The following ZKSCAN7 variants were observed in gnomAD, a reference collection of about 807,000 sequenced individuals.
The protein encoded by ZKSCAN7 is zinc finger with KRAB and SCAN domains 7, also known as zinc finger protein with KRAB and SCAN domains 7.
In ZKSCAN7, 38 loss-of-function variants were observed where a neutral mutation model predicts 65.3. The observed-to-expected ratio is 0.58, with a 90% confidence interval of 0.45 to 0.76. ZKSCAN7 has a LOEUF of 0.76. Ranked by LOEUF, ZKSCAN7 falls within the 30% of genes least tolerant of loss-of-function variation. The probability of loss-of-function intolerance (pLI) is 0.00; values close to 1 mark genes in which losing one functional copy is unlikely to be tolerated. For missense variants in ZKSCAN7, 815 were observed against 913.3 expected (o/e 0.89, Z 1.39); for synonymous variants, 321 against 321.0 (o/e 1.00, Z 0.00).
rs1699780024 is a variant in ZKSCAN7, at chr3:44,570,720, A to AT, written c.1611dup (p.Leu538SerfsTer3). ...GGGAGAGCATTCTGTTCCAATAGAA[A>AT]TCTCATTGACCATCAGAGAATCCAC... On this transcript the variant is annotated frameshift_variant, in exon 6 of 6. Coordinates refer to ENST00000426540, the MANE Select transcript of ZKSCAN7 (RefSeq NM_001288590.2). LOFTEE classifies it high-confidence loss of function. 1.2e-6 allele frequency: 2 copies of AT among 1,614,028 alleles called. No homozygotes were observed. The highest frequency in any genetic ancestry group is 2.2e-5 in the South Asian group (2 of 91,090).
At chr3:44,580,605 C>T in intron 5 of ZKSCAN7, 1 of 1,613,904 alleles carries the variant, frequency 6.2e-7, no homozygotes, top group South Asian at 1.1e-5. Flanking sequence ...CATCTCCAGC[C>T]ACCCACTGAC....
chr3:44,581,314 C>T (rs1231920190), intron 5 of ZKSCAN7, among the ~76,000 whole-genome samples: 2 of 150,730 alleles, frequency 1.3e-5, no homozygotes, highest in Non-Finnish European at 3.0e-5. Context: ...CTCTCAAGCT[C>T]CGGTCGCCGC....
At chr3:44,556,906 C>G (rs1699309883) in intron 1 of ZKSCAN7, 24 bp from the exon 2 acceptor site, 3 of 1,129,234 alleles carry the variant, frequency 2.7e-6, no homozygotes, top group Non-Finnish European at 1.3e-6. Context: ...TCCAAGAACT[C>G]TGATTTCACT....
chr3:44,580,251 C>A (rs555913314), intron 5 of ZKSCAN7: 12 of 1,613,414 alleles, frequency 7.4e-6, no homozygotes, highest in Admixed American at 1.7e-5. Context: ...GCTCTCCCCC[C>A]GGACTTTGCG....
Position 44,570,327 on chromosome 3 carries a change from C to T in ZKSCAN7, c.1217C>T (p.Thr406Ile). Residue 406 changes from threonine (T) to isoleucine (I), a missense_variant, in exon 6 of 6, where the codon ACT (threonine) becomes ATT (isoleucine). Thr to Ile is a moderately conservative substitution (Grantham distance 89). This residue lies in a region of ZKSCAN7 where 578 missense variants were observed against 629.5 expected (regional missense o/e 0.92). Coordinates refer to ENST00000426540, the MANE Select transcript of ZKSCAN7 (RefSeq NM_001288590.2). ...SHLIGHQRIH[T>I]GEKPYECNEC... Reference sequence around the variant, plus strand: ...CTTATTGGCCATCAGAGAATCCACACTGGAGAGAAACCCTATGAGTGTAAT... The same window carrying T: ...CTTATTGGCCATCAGAGAATCCACATTGGAGAGAAACCCTATGAGTGTAAT... 6.2e-7 allele frequency: 1 copy of T among 1,614,212 alleles called. No individual in the cohort carries two copies. The highest frequency in any genetic ancestry group is 8.5e-7 in the Non-Finnish European group (1 of 1,180,044).
chr3:44,578,849 G>A (rs977437650), intron 5 of ZKSCAN7, among the ~76,000 whole-genome samples: 1 of 152,182 alleles, frequency 6.6e-6, no homozygotes, highest in Non-Finnish European at 1.5e-5. Flanking sequence ...TTCCATTGCT[G>A]CAAACCCTCA....
At chr3:44,555,778 A>C (rs1559420485) in intron 1 of ZKSCAN7, among the ~76,000 whole-genome samples, 1 of 152,230 alleles carries the variant, frequency 6.6e-6, no homozygotes, top group Admixed American at 6.5e-5. Context: ...ATTGAGACAC[A>C]GGGATCTGGG....
In ZKSCAN7 at chr3:44,579,977, G is replaced by A. The variant is rs200933907; in HGVS notation, c.812-2995G>A. ...CCGAGGCGTCTGGGAGAGGAGCTTG[G>A]GGGGGGGCTTCATTGGTGAAGTCCT... On this transcript the variant is annotated intron_variant, in intron 5 of 5. Transcript: ENST00000341840. The A allele has an allele frequency of 2.6e-3, 4,059 of 1,587,456 alleles. 22 individuals carry two copies. The highest frequency in any genetic ancestry group is 3.3e-3 in the Non-Finnish European group (3,829 of 1,156,624).
At position 44,557,175 on chromosome 3, in the gene ZKSCAN7, A is replaced by T. The variant is rs769497024; in HGVS notation, c.128A>T (p.Gln43Leu). Reference sequence around the variant, plus strand: ...ACCTGGGGGCAGGGCAGCAGTCTCCAGAAGAACTATCCTCCTGTCTGCGAA... The same window carrying T: ...ACCTGGGGGCAGGGCAGCAGTCTCCTGAAGAACTATCCTCCTGTCTGCGAA... ...NQTWGQGSSL[Q>L]KNYPPVCEIF... The change falls in exon 2 of 6, where the codon CAG becomes CTG. Residue 43 changes from glutamine to leucine, a missense_variant. Gln to Leu is a moderately radical substitution (Grantham distance 113). This residue lies in a region of ZKSCAN7 where 227 missense variants were observed against 253.3 expected (regional missense o/e 0.90). Transcript: ENST00000426540. 9 of 1,614,148 alleles carry T rather than the reference A, an allele frequency of 5.6e-6. No homozygotes were observed. In the East Asian group the frequency reaches 1.8e-4, roughly 32 times the overall value.
chr3:44,558,782 ATTT>A (rs35709621), intron 2 of ZKSCAN7, among the ~76,000 whole-genome samples: 3 of 92,702 alleles, frequency 3.2e-5, no homozygotes, highest in East Asian at 3.7e-4. Context: ...TTTCTTCTTC[ATTT>A]TTTTTTTTTT....
chr3:44,561,363 A>G (rs577833149), intron 2 of ZKSCAN7, among the ~76,000 whole-genome samples: 2 of 152,286 alleles, frequency 1.3e-5, no homozygotes, highest in South Asian at 2.1e-4. Flanking sequence ...TGATCCAGTC[A>G]TCTCCCACCA....
chr3:44,574,569 C>G (rs996743266), downstream of ZKSCAN7, among the ~76,000 whole-genome samples: 1 of 152,144 alleles, frequency 6.6e-6, no homozygotes, highest in African/African-American at 2.4e-5. Flanking sequence ...GATAAATATT[C>G]TGTTGCGTTT....
chr3:44,582,466 C>T (rs1436361975), intron 5 of ZKSCAN7, among the ~76,000 whole-genome samples: 3 of 152,114 alleles, frequency 2.0e-5, no homozygotes, highest in Non-Finnish European at 4.4e-5. Context: ...AAGACCTGAC[C>T]AACTAGACGT....
At position 44,570,217 on chromosome 3, in the gene ZKSCAN7, T is replaced by C; in HGVS notation, c.1107T>C (p.Ser369=). The stretch of plus-strand genomic sequence containing the variant: ...GGGAACATCCACCTCTGTCTTCCAG[T>C]CCTGTTGAACATGAAGGAGTTTTAA... ...EVGEHPPLSS[S]PVEHEGVLKG... The change falls in exon 6 of 6, where the codon AGT becomes AGC. Residue 369 remains serine, a synonymous_variant. Coordinates refer to ENST00000426540, the MANE Select transcript of ZKSCAN7 (RefSeq NM_001288590.2). 6.2e-7 allele frequency: 1 copy of C among 1,614,218 alleles called. No homozygotes were observed. The highest frequency in any genetic ancestry group is 8.5e-7 in the Non-Finnish European group (1 of 1,180,028).
At chr3:44,572,246 TCA>T, downstream of ZKSCAN7, 1 of 984,138 alleles carries the variant, frequency 1.0e-6, no homozygotes, top group Non-Finnish European at 1.2e-6. Context: ...GAAGTCCATC[TCA>T]TCATAGAATA....
At chr3:44,581,326 G>A (rs1437647697) in intron 5 of ZKSCAN7, among the ~76,000 whole-genome samples, 5 of 151,010 alleles carry the variant, frequency 3.3e-5, no homozygotes, top group South Asian at 2.1e-4. Flanking sequence ...GGTCGCCGCC[G>A]TCCCGGCTCG....
In ZKSCAN7 at chr3:44,572,145, T is replaced by A. The variant is rs910642926; in HGVS notation, c.*770T>A. The A allele has an allele frequency of 1.3e-4, 132 of 985,256 alleles. No individual in the cohort carries two copies. The highest frequency in any genetic ancestry group is 4.9e-5 in the Non-Finnish European group (41 of 829,868). The allele number at this position is 985,256 out of a possible 1,614,324, so 61.0% of individuals were successfully genotyped here. A position where few individuals can be genotyped will look rare whatever the true frequency, so the allele number is the denominator to read the frequency against. On this transcript the variant is annotated 3_prime_UTR_variant, in exon 6 of 6. Transcript: ENST00000426540. The stretch of plus-strand genomic sequence containing the variant: ...TACATACCAGTTGTTAAATAAATAA[T>A]TTTTAAAATCTCAGCTCTCACATTG...
At chr3:44,577,271 A>G (rs2125732560) in intron 5 of ZKSCAN7, among the ~76,000 whole-genome samples, 1 of 150,138 alleles carries the variant, frequency 6.7e-6, no homozygotes, top group East Asian at 1.9e-4. Context: ...CCCAGCCCAA[A>G]TAACCAATTC....
chr3:44,579,883 G>A lies in ZKSCAN7; in HGVS notation c.812-3089G>A, dbSNP rs1054707548. The stretch of plus-strand genomic sequence containing the variant: ...AGCCTTTCTTGAAATTCAGCAGGTC[G>A]GGCGTCACGGAGGGCTCTGTGGACC... On this transcript the variant is annotated intron_variant, in intron 5 of 5. Transcript: ENST00000341840. 4.6e-5 allele frequency: 74 copies of A among 1,608,890 alleles called. 1 individual carries two copies. In the Admixed American group the frequency reaches 5.8e-4, roughly 13 times the overall value.
Sources: gnomAD v4.1 joint callset for allele counts (sites outside exome capture counted in the v4.1 genomes callset) on GRCh38, gnomAD v4.1.1 for gene constraint, gnomAD v4.1.1 regional missense constraint, MANE v1.5 for transcripts, NCBI Gene and HGNC (gene_info 2026-07-23, HGNC 2026-07-21) for gene names.